CDH13: variants seen among roughly 807,000 people sequenced by gnomAD.
The protein encoded by CDH13 is cadherin 13.
In CDH13, 24 loss-of-function variants were observed where a neutral mutation model predicts 63.8. The observed-to-expected ratio is 0.38, with a 90% CI of 0.27 to 0.53. The LOEUF (loss-of-function observed/expected upper bound fraction) is 0.53. CDH13 is among the 20% of genes least tolerant of loss of function. CDH13 has a pLI of 0.85. For synonymous variants in CDH13, 503 were observed against 355.3 expected, an observed-to-expected ratio of 1.42 and a Z score of -4.67; for missense variants, 1,049 against 903.1, an observed-to-expected ratio of 1.16 and a Z score of -2.07.
At chr16:82,822,474 T>TA (rs1491577041) in intron 1 of CDH13, among the ~76,000 whole-genome samples, 12 of 152,196 alleles carry the variant, frequency 7.9e-5, no homozygotes, top group African/African-American at 2.7e-4. Flanking sequence ...ATCATTTTTT[T>TA]AAAAAAATAG....
chr16:83,061,063 A>T (rs1222321944), intron 3 of CDH13, among the ~76,000 whole-genome samples: 2 of 152,156 alleles, frequency 1.3e-5, no homozygotes, highest in Non-Finnish European at 2.9e-5. Flanking sequence ...AAATACGGGG[A>T]CTAAGGTATT....
chr16:83,388,282 G>GGAA (rs1389357109), intron 6 of CDH13, among the ~76,000 whole-genome samples: 1 of 139,964 alleles, frequency 7.1e-6, no homozygotes, highest in African/African-American at 2.8e-5. Flanking sequence ...CCCTCTCTCT[G>GGAA]GAAAAAAAAA....
intron 8 of CDH13, among the ~76,000 whole-genome samples, chr16:83,637,431 C>T (rs1466360384): frequency 1.4e-5 from 1 of 69,496 alleles, no homozygotes; most frequent in Non-Finnish European, 2.8e-5. Flanking sequence ...GCACCGTGCG[C>T]GAGCCGAAGC....
chr16:83,046,450 A>G (rs1917792367), intron 3 of CDH13, among the ~76,000 whole-genome samples: 1 of 152,192 alleles, frequency 6.6e-6, no homozygotes, highest in South Asian at 2.1e-4. Context: ...AAAGGATAGA[A>G]AAAGAAAAGA....
chr16:83,443,091 A>G (rs893429540), intron 6 of CDH13, among the ~76,000 whole-genome samples: 1 of 152,254 alleles, frequency 6.6e-6, no homozygotes, highest in African/African-American at 2.4e-5. Context: ...ATCTCAGCAG[A>G]CTGAAGTTTG....
chr16:83,091,284 C>A (rs2033894998), intron 3 of CDH13, among the ~76,000 whole-genome samples: 1 of 151,894 alleles, frequency 6.6e-6, no homozygotes. Context: ...AAAAAAAATT[C>A]CATGAGCACT....
intron 1 of CDH13, among the ~76,000 whole-genome samples, chr16:82,739,881 C>T (rs542796886): frequency 1.3e-5 from 2 of 152,220 alleles, no homozygotes; most frequent in South Asian, 4.1e-4. Flanking sequence ...CTTCTTTGCC[C>T]TGCAAAGATA....
chr16:83,108,766 C>G (rs1193732601), intron 3 of CDH13, among the ~76,000 whole-genome samples: 2 of 152,304 alleles, frequency 1.3e-5, no homozygotes, highest in Admixed American at 6.5e-5. Flanking sequence ...AGGCCAGTCT[C>G]TGCATTTATT....
chr16:83,457,459 AC>A (rs2073054368), intron 6 of CDH13, among the ~76,000 whole-genome samples: 1 of 151,432 alleles, frequency 6.6e-6, no homozygotes, highest in African/African-American at 2.4e-5. Flanking sequence ...TACCTCCCTT[AC>A]CCCCTCTGCT....
chr16:82,781,161 T>C (rs1454275240), intron 1 of CDH13, among the ~76,000 whole-genome samples: 2 of 152,254 alleles, frequency 1.3e-5, no homozygotes, highest in African/African-American at 4.8e-5. Flanking sequence ...AGTTTTAATA[T>C]GCAGGCAATT....
At chr16:83,044,454 G>GAC (rs1001336412) in intron 3 of CDH13, among the ~76,000 whole-genome samples, 6 of 152,182 alleles carry the variant, frequency 3.9e-5, no homozygotes, top group African/African-American at 1.4e-4. Flanking sequence ...GTATTGTCAT[G>GAC]ACACATTTTA....
chr16:82,715,881 A>G (rs2032334704), intron 1 of CDH13, among the ~76,000 whole-genome samples: 1 of 152,276 alleles, frequency 6.6e-6, no homozygotes, highest in Non-Finnish European at 1.5e-5. Context: ...CCCCAGTCCA[A>G]CTCCAGGAAT....
intron 1 of CDH13, among the ~76,000 whole-genome samples, chr16:82,693,942 A>AAGGC (rs1422276053): frequency 6.6e-6 from 1 of 152,216 alleles, no homozygotes; most frequent in East Asian, 1.9e-4. Flanking sequence ...AGGTACAGTG[A>AAGGC]AGGCCTGGAT....
At chr16:83,605,501 A>C (rs1317688164) in intron 8 of CDH13, among the ~76,000 whole-genome samples, 3 of 152,196 alleles carry the variant, frequency 2.0e-5, no homozygotes, top group Admixed American at 2.0e-4. Context: ...GAGCATGTTA[A>C]GTGCTCTACA....
At chr16:83,419,907 G>T (rs539263571) in intron 6 of CDH13, among the ~76,000 whole-genome samples, 1 of 133,658 alleles carries the variant, frequency 7.5e-6, no homozygotes, top group East Asian at 2.3e-4. Flanking sequence ...TCTCTGAATC[G>T]TCCAATCTTT....
intron 5 of CDH13, among the ~76,000 whole-genome samples, chr16:83,308,896 G>C (rs1043774336): frequency 6.6e-6 from 1 of 152,218 alleles, no homozygotes; most frequent in African/African-American, 2.4e-5. Context: ...AACTAGAAGA[G>C]AGTAGGGGAT....
At chr16:83,025,911 C>A (rs1025347995) in intron 2 of CDH13, among the ~76,000 whole-genome samples, 4 of 152,114 alleles carry the variant, frequency 2.6e-5, no homozygotes, top group Non-Finnish European at 5.9e-5. Flanking sequence ...TGCACACAGA[C>A]CGCAACTCAG....
intron 8 of CDH13, among the ~76,000 whole-genome samples, chr16:83,624,963 C>T (rs574243348): frequency 3.9e-5 from 6 of 152,258 alleles, no homozygotes; most frequent in South Asian, 2.1e-4. Context: ...AGCTGATTGC[C>T]GCATGTCTTG....
chr16:82,843,413 G>T (rs768056074), intron 1 of CDH13, among the ~76,000 whole-genome samples: 1 of 152,128 alleles, frequency 6.6e-6, no homozygotes, highest in African/African-American at 2.4e-5. Flanking sequence ...TGTCTACCAG[G>T]CAGTTAGATT....
Sources: gnomAD v4.1 joint callset for allele counts (sites outside exome capture counted in the v4.1 genomes callset) on GRCh38, gnomAD v4.1.1 for gene constraint, MANE v1.5 for transcripts, NCBI Gene and HGNC (gene_info 2026-07-23, HGNC 2026-07-21) for gene names.